TMPRSS15: variants seen among roughly 807,000 people sequenced by gnomAD.
TMPRSS15 encodes transmembrane serine protease 15.
A neutral mutation model predicts 125.3 loss-of-function variants in TMPRSS15; 128 were observed. The observed-to-expected ratio is 1.02, with a 90% CI of 0.89 to 1.18. TMPRSS15 has a LOEUF of 1.18. Among genes scored for constraint, TMPRSS15 ranks in the 50% most tolerant of loss-of-function variants. The pLI, the probability that TMPRSS15 is intolerant of heterozygous loss-of-function variation, is 0.00. For synonymous variants in TMPRSS15, 446 were observed against 423.2 expected (o/e 1.05, Z -0.66); for missense variants, 1,283 against 1,212.7 (o/e 1.06, Z -0.86).
chr21:18,326,620 T>C lies in TMPRSS15; in HGVS notation c.1781-48A>G, dbSNP rs370764503. 7.0e-5 allele frequency: 113 copies of C among 1,611,472 alleles called. 1 individual carries two copies. In the African/African-American group the frequency reaches 1.2e-3, roughly 18 times the overall value. ...AATCAGTGAGATGATCCTTTGGATC[T>C]AGAAGGAAATGTACCCCACATCTCA... On this transcript the variant is annotated intron_variant, in intron 15 of 24. Coordinates refer to ENST00000284885, the MANE Select transcript of TMPRSS15 (RefSeq NM_002772.3).
intron 18 of TMPRSS15, 128 bp from the exon 19 acceptor site, chr21:18,297,957 C>T (rs927828572): frequency 1.5e-5 from 10 of 656,722 alleles, no homozygotes; most frequent in Non-Finnish European, 1.8e-5. Flanking sequence ...AAAAAATGAA[C>T]GTTTTAATAT....
intron 10 of TMPRSS15, 115 bp downstream of exon 10, chr21:18,352,788 C>T: frequency 2.7e-6 from 3 of 1,120,988 alleles, no homozygotes; most frequent in Admixed American, 2.1e-5. Flanking sequence ...TTAAAAAACC[C>T]AAAAAGACTT....
intron 16 of TMPRSS15, among the ~76,000 whole-genome samples, chr21:18,318,721 G>A (rs1307555790): frequency 6.6e-6 from 1 of 152,112 alleles, no homozygotes; most frequent in Non-Finnish European, 1.5e-5. Context: ...AATATTCAGA[G>A]CCGAAAAAGG....
intron 3 of TMPRSS15, among the ~76,000 whole-genome samples, chr21:18,387,637 A>G (rs989577282): frequency 1.3e-5 from 2 of 149,784 alleles, no homozygotes; most frequent in African/African-American, 5.0e-5. Context: ...ACACACACAC[A>G]CACACACACA....
chr21:18,353,000 C>T lies in TMPRSS15; in HGVS notation c.1074G>A (p.Gln358=), dbSNP rs1371547056. The T allele has an allele frequency of 6.2e-7, 1 of 1,611,624 alleles. No individual in the cohort carries two copies. The highest frequency in any genetic ancestry group is 1.7e-5 in the Admixed American group (1 of 59,912). The change falls in exon 10 of 25, where the codon CAG becomes CAA. Residue 358 remains glutamine (Q), a synonymous_variant. Coordinates refer to ENST00000284885, the MANE Select transcript of TMPRSS15 (RefSeq NM_002772.3). Reference sequence around the variant, plus strand: ...CCCATTCATTATCATCATTTAGATCCTGGACCCAGAAACAAAAGCCATCCT... The same window carrying T: ...CCCATTCATTATCATCATTTAGATCTTGGACCCAGAAACAAAAGCCATCCT... The part of the protein sequence containing the change: ...NFEDGFCFWV[Q]DLNDDNEWER...
rs530890728 is a variant in TMPRSS15, at chr21:18,284,727, A to C, written c.2487-3506T>G. On this transcript the variant is annotated intron_variant, in intron 21 of 24. Transcript: ENST00000284885. Reference sequence around the variant, plus strand: ...AGGATAAAGATCGCAAAGATAGGGCATCTTCAGATAGAAGTTGGCTGAATT... The same window carrying C: ...AGGATAAAGATCGCAAAGATAGGGCCTCTTCAGATAGAAGTTGGCTGAATT... Among the ~76,000 whole-genome samples, 50 of 152,316 alleles carry C rather than the reference A, an allele frequency of 3.3e-4. 1 individual carries two copies. The highest frequency in any genetic ancestry group is 1.2e-3 in the African/African-American group (48 of 41,580).
chr21:18,396,680 A>G (rs1462730795), intron 3 of TMPRSS15, among the ~76,000 whole-genome samples: 1 of 151,264 alleles, frequency 6.6e-6, no homozygotes, highest in East Asian at 2.0e-4. Flanking sequence ...AGGCTGAGGC[A>G]GGAGAATGGC....
In TMPRSS15 at chr21:18,343,586, T is replaced by C. The variant is rs202105439; in HGVS notation, c.1348A>G (p.Thr450Ala). ...NISNDQNMEK[T>A]VFQKEGNYGD... ...TAATTTCCTTCCTTTTGGAAAACTGTCTTCTCCATATTTTGGTCATTGCTG... is the reference window on the plus strand; with the variant it reads ...TAATTTCCTTCCTTTTGGAAAACTGCCTTCTCCATATTTTGGTCATTGCTG... Residue 450 changes from threonine to alanine, a missense_variant, in exon 12 of 25, where the codon ACA becomes GCA. Transcript: ENST00000284885. 22 of 1,612,764 alleles carry C rather than the reference T, an allele frequency of 1.4e-5. No homozygotes were observed. Among genetic ancestry groups the C allele is most frequent in the Non-Finnish European group, 1.7e-5 (20 of 1,178,934 alleles).
chr21:18,369,414 T>C (rs1258415134), intron 6 of TMPRSS15, among the ~76,000 whole-genome samples: 2 of 149,268 alleles, frequency 1.3e-5, no homozygotes. Flanking sequence ...TGAATCAGCA[T>C]CTTTCCTTTT....
intron 18 of TMPRSS15, among the ~76,000 whole-genome samples, chr21:18,300,794 A>AT (rs35422651): frequency 0.32 from 48,313 of 151,740 alleles, 9,403 homozygotes; most frequent in East Asian, 0.57. Context: ...ATTGACAGTG[A>AT]TTTTTTTTTA....
In TMPRSS15 at chr21:18,294,394, C is replaced by T. The variant is rs749385646; in HGVS notation, c.2362G>A (p.Gly788Arg). 8.1e-6 allele frequency: 13 copies of T among 1,614,270 alleles called. No individual in the cohort carries two copies. Among genetic ancestry groups the T allele is most frequent in the Non-Finnish European group, 1.1e-5 (13 of 1,180,032 alleles). Residue 788 changes from glycine to arginine, a missense_variant, in exon 21 of 25, where the codon GGA becomes AGA. Coordinates refer to ENST00000284885, the MANE Select transcript of TMPRSS15 (RefSeq NM_002772.3). The part of the protein sequence containing the change: ...AQDITPKIVG[G>R]SNAKEGAWPW... ...CAGGCCCCTTCTTTGGCATTACTTC[C>T]TCCAACAATCTTTGGGGTGATGTCT...
At chr21:18,459,250 G>A (rs1196285696) in intron 1 of TMPRSS15, among the ~76,000 whole-genome samples, 1 of 151,278 alleles carries the variant, frequency 6.6e-6, no homozygotes, top group Non-Finnish European at 1.5e-5. Context: ...ATCTGTTCCA[G>A]TTATCAACAG....
intron 1 of TMPRSS15, among the ~76,000 whole-genome samples, chr21:18,422,677 C>G (rs895350996): frequency 1.3e-5 from 2 of 152,108 alleles, no homozygotes; most frequent in African/African-American, 4.8e-5. Flanking sequence ...AAATAAATAG[C>G]CTACGGTATC....
chr21:18,288,551 T>A (rs10222065), intron 21 of TMPRSS15, among the ~76,000 whole-genome samples: 1 of 108,792 alleles, frequency 9.2e-6, no homozygotes, highest in Admixed American at 1.0e-4. Flanking sequence ...TTTTTTTTTT[T>A]TTGAGATGGA....
chr21:18,436,544 T>C (rs927954161), intron 1 of TMPRSS15, among the ~76,000 whole-genome samples: 1 of 151,682 alleles, frequency 6.6e-6, no homozygotes, highest in Non-Finnish European at 1.5e-5. Flanking sequence ...GAAAACCCCA[T>C]TGTCTCAGCC....
intron 1 of TMPRSS15, among the ~76,000 whole-genome samples, chr21:18,421,947 T>C (rs2076192888): frequency 6.6e-6 from 1 of 152,098 alleles, no homozygotes; most frequent in Admixed American, 6.6e-5. Flanking sequence ...TACGAGAGTT[T>C]CTGTCTTCAG....
chr21:18,282,674 T>G (rs1400719635), intron 21 of TMPRSS15, among the ~76,000 whole-genome samples: 3 of 152,340 alleles, frequency 2.0e-5, no homozygotes, highest in African/African-American at 7.2e-5. Context: ...AGCAACAAAA[T>G]ACTACTTGGT....
intron 8 of TMPRSS15, among the ~76,000 whole-genome samples, chr21:18,355,807 A>C (rs1303439080): frequency 6.6e-6 from 1 of 151,898 alleles, no homozygotes; most frequent in Non-Finnish European, 1.5e-5. Flanking sequence ...ACTAGGTTGT[A>C]AACCTTGAAA....
chr21:18,400,729 G>T (rs984002937), intron 1 of TMPRSS15, among the ~76,000 whole-genome samples: 13 of 152,092 alleles, frequency 8.5e-5, no homozygotes, highest in African/African-American at 3.1e-4. Flanking sequence ...ATTGGCAAGT[G>T]GGGCCTAATT....
Sources: gnomAD v4.1 joint callset for allele counts (sites outside exome capture counted in the v4.1 genomes callset) on GRCh38, gnomAD v4.1.1 for gene constraint, MANE v1.5 for transcripts, NCBI Gene and HGNC (gene_info 2026-07-23, HGNC 2026-07-21) for gene names.